Variants in TRIO observed in about 807,000 individuals in gnomAD.
The protein encoded by TRIO is triple functional domain protein.
In TRIO, 58 loss-of-function variants were observed where a neutral mutation model predicts 351.9. That is an observed-to-expected ratio of 0.16 (90% CI 0.13 to 0.21). The LOEUF (loss-of-function observed/expected upper bound fraction) is 0.21. Ranked by LOEUF, TRIO falls within the 10% of genes least tolerant of loss-of-function variation. TRIO has a pLI of 1.00. For synonymous variants in TRIO, 1,758 were observed against 1,595.7 expected (o/e 1.10, Z -2.42); for missense variants, 3,201 against 4,027.8 (o/e 0.79, Z 5.56).
chr5:14,300,730 T>A (rs1364833389), intron 7 of TRIO, among the ~76,000 whole-genome samples: 2 of 152,180 alleles, frequency 1.3e-5, no homozygotes, highest in Non-Finnish European at 2.9e-5. Flanking sequence ...GGGGAGGGAT[T>A]TGGCCATGTT....
chr5:14,227,979 C>T (rs1414229996), intron 1 of TRIO, among the ~76,000 whole-genome samples: 2 of 151,898 alleles, frequency 1.3e-5, no homozygotes, highest in African/African-American at 4.8e-5. Context: ...GCCAAGTATT[C>T]CATTAATAGA....
intron 53 of TRIO, among the ~76,000 whole-genome samples, chr5:14,500,134 C>T (rs1290094930): frequency 6.6e-6 from 1 of 151,736 alleles, no homozygotes; most frequent in Non-Finnish European, 1.5e-5. Flanking sequence ...TTCTATCACA[C>T]AAATTCAGCT....
chr5:14,144,884 G>A (rs1787404684), intron 1 of TRIO, among the ~76,000 whole-genome samples: 1 of 151,854 alleles, frequency 6.6e-6, no homozygotes, highest in African/African-American at 2.4e-5. Context: ...CGTCGGCTGA[G>A]CAGCAGCAGG....
Position 14,143,710 on chromosome 5 carries a change from G to A in TRIO, c.-16G>A. 1.0e-6 allele frequency: 1 copy of A among 976,176 alleles called. No homozygotes were observed. The highest frequency in any genetic ancestry group is 1.2e-6 in the Non-Finnish European group (1 of 825,416). 60.5% of individuals were successfully genotyped at this position (976,176 alleles called of 1,614,324 possible). ...CGGGGCCCGAGGCGGGCGCGGCCGC[G>A]GGCGCCGCCGCAGCCATGAGCGGCA... On this transcript the variant is annotated 5_prime_UTR_variant, in exon 1 of 57. Coordinates refer to ENST00000344204, the MANE Select transcript of TRIO (RefSeq NM_007118.4).
intron 1 of TRIO, among the ~76,000 whole-genome samples, chr5:14,147,650 G>A (rs1182576490): frequency 6.6e-6 from 1 of 152,210 alleles, no homozygotes; most frequent in Non-Finnish European, 1.5e-5. Flanking sequence ...CCAGGGAACA[G>A]GTGAAGAAAA....
At chr5:14,144,676 C>G (rs929910498) in intron 1 of TRIO, among the ~76,000 whole-genome samples, 11 of 151,972 alleles carry the variant, frequency 7.2e-5, no homozygotes, top group Non-Finnish European at 1.0e-4. Flanking sequence ...CACCCCGGCG[C>G]AGAGGGGGTG....
intron 11 of TRIO, among the ~76,000 whole-genome samples, chr5:14,347,011 T>C (rs1742481774): frequency 6.6e-6 from 1 of 151,404 alleles, no homozygotes; most frequent in African/African-American, 2.5e-5. Context: ...TAGTGGTGGA[T>C]GATGCTGGAC....
chr5:14,243,083 G>C (rs922082357), intron 1 of TRIO, among the ~76,000 whole-genome samples: 1 of 152,196 alleles, frequency 6.6e-6, no homozygotes, highest in Non-Finnish European at 1.5e-5. Flanking sequence ...AGGCCCCTCA[G>C]TGTGAAGAGC....
intron 34 of TRIO, among the ~76,000 whole-genome samples, chr5:14,428,237 G>A (rs921125936): frequency 6.6e-6 from 1 of 152,208 alleles, no homozygotes; most frequent in Non-Finnish European, 1.5e-5. Context: ...CGAAAATATC[G>A]TGATTCAGGT....
At chr5:14,423,588 G>T (rs1005014164) in intron 34 of TRIO, among the ~76,000 whole-genome samples, 1 of 152,090 alleles carries the variant, frequency 6.6e-6, no homozygotes, top group Admixed American at 6.5e-5. Context: ...ACCAAGAGTC[G>T]CCCTACACAA....
chr5:14,239,886 C>T (rs1258504605), intron 1 of TRIO, among the ~76,000 whole-genome samples: 8 of 152,112 alleles, frequency 5.3e-5, no homozygotes, highest in African/African-American at 9.7e-5. Flanking sequence ...ATGCCTTTAA[C>T]GAAGGATGCT....
intron 46 of TRIO, 52 bp downstream of exon 46, chr5:14,482,825 A>G (rs892232219): frequency 2.2e-5 from 31 of 1,397,726 alleles, no homozygotes; most frequent in Non-Finnish European, 2.8e-5. Context: ...TACCCGTCAC[A>G]CCGATACACT....
chr5:14,277,937 A>G (rs143309752), intron 2 of TRIO, among the ~76,000 whole-genome samples: 3 of 152,374 alleles, frequency 2.0e-5, no homozygotes, highest in Non-Finnish European at 2.9e-5. Flanking sequence ...GGAGATTAGC[A>G]TGTGAAAAGA....
rs1294713658 is a variant in TRIO, at chr5:14,381,180, C to T, written c.3498C>T (p.Thr1166=). 6.2e-7 allele frequency: 1 copy of T among 1,614,100 alleles called. No homozygotes were observed. The highest frequency in any genetic ancestry group is 1.1e-5 in the South Asian group (1 of 91,064). The stretch of plus-strand genomic sequence containing the variant: ...GCGAGTTCTACCTTTCCACACACAC[C>T]TCCACGGGCTCCAGTATACAGCACA... ...DNGEFYLSTH[T]STGSSIQHTQ... is the part of the protein sequence containing the mutation. Residue 1166 remains threonine (T), a synonymous_variant, in exon 21 of 57, where the codon ACC becomes ACT. Coordinates refer to ENST00000344204, the MANE Select transcript of TRIO (RefSeq NM_007118.4).
intron 13 of TRIO, among the ~76,000 whole-genome samples, chr5:14,361,381 G>A (rs1239819032): frequency 1.3e-5 from 2 of 152,190 alleles, no homozygotes; most frequent in South Asian, 2.1e-4. Context: ...GCCTGGGGGA[G>A]CTCATCCTGA....
At chr5:14,216,564 C>G (rs2152201866) in intron 1 of TRIO, among the ~76,000 whole-genome samples, 1 of 152,322 alleles carries the variant, frequency 6.6e-6, no homozygotes, top group African/African-American at 2.4e-5. Flanking sequence ...GGTCTGTTCT[C>G]ATAATACTGA....
chr5:14,264,767 C>T (rs769236736), intron 1 of TRIO, among the ~76,000 whole-genome samples: 1 of 152,322 alleles, frequency 6.6e-6, no homozygotes, highest in South Asian at 2.1e-4. Context: ...TATAATCCTG[C>T]GGGCTCCGCA....
chr5:14,494,736 TAAAAATAC>T (rs1284574503), intron 49 of TRIO, among the ~76,000 whole-genome samples: 2 of 151,994 alleles, frequency 1.3e-5, no homozygotes, highest in Non-Finnish European at 2.9e-5. Context: ...CAGGCTCTAT[TAAAAATAC>T]AAAAATTCGC....
chr5:14,503,073 A>T (rs1280414277), intron 54 of TRIO, among the ~76,000 whole-genome samples: 1 of 152,218 alleles, frequency 6.6e-6, no homozygotes, highest in Non-Finnish European at 1.5e-5. Flanking sequence ...ACTAAGAGAG[A>T]GGTTTCCCCA....
Sources: allele counts gnomAD v4.1 joint callset (sites outside exome capture counted in the v4.1 genomes callset), GRCh38; gene constraint gnomAD v4.1.1; transcripts MANE v1.5; gene names NCBI Gene and HGNC (gene_info 2026-07-23, HGNC 2026-07-21).